Variants in PIN4 observed in about 807,000 individuals in gnomAD.
PIN4 encodes the protein peptidyl-prolyl cis-trans isomerase NIMA-interacting 4.
Under a neutral mutation model 8.3 loss-of-function variants are expected in PIN4, and 3 were observed. The ratio of observed to expected loss-of-function variants is 0.36; its 90% CI spans 0.16 to 0.93. The LOEUF (loss-of-function observed/expected upper bound fraction) is 0.93, where lower values mean the gene tolerates loss of function less well. Ranked by LOEUF, PIN4 falls within the 40% of genes least tolerant of loss-of-function variation. The pLI, the probability that PIN4 is intolerant of heterozygous loss-of-function variation, is 0.44. For synonymous variants in PIN4, 18 were observed against 32.5 expected (o/e 0.55, Z 1.52); for missense variants, 75 against 100.6 (o/e 0.75, Z 1.09).
intron 2 of PIN4, among the ~76,000 whole-genome samples, chrX:72,192,595 C>G (rs2042741566): frequency 9.1e-6 from 1 of 109,991 alleles, no homozygotes; most frequent in South Asian, 3.9e-4. Flanking sequence ...TTTCTTTTTT[C>G]TTTTTAAGAG....
At chrX:72,199,016 C>T (rs1377870393), downstream of PIN4, 1 of 111,241 alleles carries the variant, frequency 9.0e-6, no homozygotes, top group African/African-American at 3.3e-5. Context: ...ATCCACTGCA[C>T]TGCAGCCTGG....
intron 3 of PIN4, among the ~76,000 whole-genome samples, chrX:72,241,258 C>T (rs931519266): frequency 1.8e-5 from 2 of 111,497 alleles, no homozygotes; most frequent in Non-Finnish European, 3.8e-5. Context: ...GAGGCGGGGC[C>T]TTTTAGCAAG....
intron 3 of PIN4, among the ~76,000 whole-genome samples, chrX:72,218,227 A>G (rs1458810668): frequency 1.9e-5 from 2 of 104,745 alleles, no homozygotes; most frequent in Non-Finnish European, 3.9e-5. Context: ...TCAAGATCGC[A>G]CCACTGCACT....
intron 3 of PIN4, chrX:72,239,025 C>A: frequency 2.6e-6 from 2 of 775,422 alleles, no homozygotes; most frequent in Admixed American, 5.5e-5. Flanking sequence ...CCGCCCCGCG[C>A]ATGCTCTGTG....
downstream of PIN4, chrX:72,198,389 C>T (rs1187574963): frequency 4.4e-6 from 3 of 674,975 alleles, no homozygotes; most frequent in African/African-American, 7.1e-5. Flanking sequence ...TTCTCTCCCT[C>T]AGCTGCATTT....
intron 3 of PIN4, among the ~76,000 whole-genome samples, chrX:72,248,770 C>T (rs886486819): frequency 9.0e-6 from 1 of 110,924 alleles, no homozygotes; most frequent in African/African-American, 3.3e-5. Flanking sequence ...CCAGCTACTC[C>T]AGAGGCTGAG....
intron 3 of PIN4, among the ~76,000 whole-genome samples, chrX:72,249,949 G>A (rs1044259537): frequency 1.0e-4 from 11 of 110,543 alleles, no homozygotes; most frequent in Non-Finnish European, 1.9e-5. Context: ...TTAAATCAAA[G>A]TATCTAAAGG....
At chrX:72,238,076 T>C (rs1475611175) in intron 3 of PIN4, 1 of 111,746 alleles carries the variant, frequency 8.9e-6, no homozygotes, top group Non-Finnish European at 1.9e-5. Flanking sequence ...ATGAGAAAAG[T>C]TCTGGAGATG....
intron 3 of PIN4, among the ~76,000 whole-genome samples, chrX:72,252,405 A>T (rs1448599163): frequency 3.8e-5 from 4 of 106,055 alleles, no homozygotes; most frequent in African/African-American, 1.4e-4. Context: ...TTTTTTTGAG[A>T]CAGAGTCTCG....
At chrX:72,241,606 T>G (rs2043049249) in intron 3 of PIN4, among the ~76,000 whole-genome samples, 1 of 112,523 alleles carries the variant, frequency 8.9e-6, no homozygotes, top group African/African-American at 3.2e-5. Flanking sequence ...GCAGATCATC[T>G]GAGGTCGGGA....
At chrX:72,236,327 C>T (rs137869823) in intron 3 of PIN4, among the ~76,000 whole-genome samples, 3,818 of 110,770 alleles carry the variant, frequency 0.034, 188 homozygotes, top group African/African-American at 0.12. Flanking sequence ...GAGACGGAGT[C>T]TTGCTCTGTT....
chrX:72,223,772 A>G (rs1001688472), intron 3 of PIN4, among the ~76,000 whole-genome samples: 2 of 111,450 alleles, frequency 1.8e-5, no homozygotes, highest in Non-Finnish European at 3.8e-5. Flanking sequence ...CAGTTACACA[A>G]AAGCCTCCAG....
At chrX:72,205,016 A>C in intron 3 of PIN4, 1 of 1,179,017 alleles carries the variant, frequency 8.5e-7, no homozygotes, top group Non-Finnish European at 1.1e-6. Context: ...TTACATTCTC[A>C]ATTGTTATTA....
At chrX:72,186,119 C>T in intron 1 of PIN4, 1 of 277,301 alleles carries the variant, frequency 3.6e-6, no homozygotes, top group African/African-American at 2.8e-5. Flanking sequence ...CTTGTCCAAC[C>T]CACGGCCCAC....
chrX:72,205,424 C>A, intron 3 of PIN4: 1 of 1,211,994 alleles, frequency 8.3e-7, no homozygotes, highest in Non-Finnish European at 1.1e-6. Flanking sequence ...CTGCTGTCGT[C>A]AAGTCTTTCC....
intron 3 of PIN4, among the ~76,000 whole-genome samples, chrX:72,223,824 C>A (rs147374511): frequency 3.0e-4 from 34 of 111,810 alleles, no homozygotes; most frequent in African/African-American, 1.1e-3. Context: ...GGAAGTGTCA[C>A]CCTGAAGTGC....
At chrX:72,241,613 G>A (rs1286857632) in intron 3 of PIN4, among the ~76,000 whole-genome samples, 3 of 112,298 alleles carry the variant, frequency 2.7e-5, no homozygotes, top group South Asian at 3.7e-4. Context: ...ATCTGAGGTC[G>A]GGAGTTCGAG....
intron 3 of PIN4, among the ~76,000 whole-genome samples, chrX:72,258,501 C>T (rs191143013): frequency 6.3e-5 from 7 of 111,558 alleles, no homozygotes; most frequent in Admixed American, 4.8e-4. Flanking sequence ...TGGCCTGAAT[C>T]GCCCCAGCCC....
At chrX:72,207,718 G>A in intron 3 of PIN4, 2 of 1,211,114 alleles carry the variant, frequency 1.7e-6, no homozygotes, top group Non-Finnish European at 2.2e-6. Context: ...ATCAACATCT[G>A]GATTCTTTTC....
Sources: gnomAD v4.1 joint callset for allele counts (sites outside exome capture counted in the v4.1 genomes callset) on GRCh38, gnomAD v4.1.1 for gene constraint, MANE v1.5 for transcripts, NCBI Gene and HGNC (gene_info 2026-07-23, HGNC 2026-07-21) for gene names.